The following COL19A1 variants were observed in gnomAD, a reference collection of about 807,000 sequenced individuals.
COL19A1 encodes the protein collagen alpha-1(XIX) chain.
Under a neutral mutation model 190.2 loss-of-function variants are expected in COL19A1, and 159 were observed. The observed-to-expected ratio is 0.84, with a 90% CI of 0.73 to 0.95. The LOEUF (loss-of-function observed/expected upper bound fraction) is 0.95. Ranked by LOEUF, COL19A1 falls within the 40% of genes least tolerant of loss-of-function variation. COL19A1 has a pLI of 0.00. For synonymous variants in COL19A1, 509 were observed against 458.9 expected (o/e 1.11, Z -1.39); for missense variants, 1,418 against 1,431.9 (o/e 0.99, Z 0.16).
At chr6:69,928,130 A>G in intron 5 of COL19A1, 98 bp downstream of exon 5, 1 of 1,482,278 alleles carries the variant, frequency 6.7e-7, no homozygotes, top group South Asian at 1.2e-5. Flanking sequence ...TAGATCTAGT[A>G]TCCAAATGTT....
At chr6:70,183,273 AT>A (rs771981547) in intron 44 of COL19A1, among the ~76,000 whole-genome samples, 2 of 152,166 alleles carry the variant, frequency 1.3e-5, no homozygotes, top group Non-Finnish European at 2.9e-5. Context: ...GGTAGGCAGA[AT>A]GTACCCAGGA....
At chr6:70,141,992 C>T in intron 21 of COL19A1, 31 bp from the exon 22 acceptor site, 1 of 1,611,786 alleles carries the variant, frequency 6.2e-7, no homozygotes, top group Non-Finnish European at 8.5e-7. Context: ...ATTAAAGAAA[C>T]ATTGATCTTT....
intron 11 of COL19A1, among the ~76,000 whole-genome samples, chr6:69,981,371 G>A (rs78501511): frequency 0.082 from 12,443 of 152,128 alleles, 599 homozygotes; most frequent in East Asian, 0.21. Flanking sequence ...TATGTAGAAT[G>A]TGATGATGAG....
intron 2 of COL19A1, among the ~76,000 whole-genome samples, chr6:69,896,871 T>G (rs1311134468): frequency 6.6e-6 from 1 of 152,228 alleles, no homozygotes; most frequent in Non-Finnish European, 1.5e-5. Flanking sequence ...GAGAGTTCAT[T>G]GTATATTCTA....
At chr6:70,035,704 T>C (rs1372386593) in intron 13 of COL19A1, among the ~76,000 whole-genome samples, 200 bp from the exon 14 acceptor site, 1 of 152,202 alleles carries the variant, frequency 6.6e-6, no homozygotes, top group Non-Finnish European at 1.5e-5. Flanking sequence ...GCATAGAGTA[T>C]ACAAGGTGAT....
Position 70,068,474 on chromosome 6 carries a change from A to T in COL19A1, c.1222A>T (p.Arg408Trp), listed in dbSNP as rs1268033036. Reference sequence around the variant, plus strand: ...AGGTCCACCTGGAAAAGAGGGTCAGAGGGTAAGTAAAGCTGGAACAACTGG... The same window carrying T: ...AGGTCCACCTGGAAAAGAGGGTCAGTGGGTAAGTAAAGCTGGAACAACTGG... ...PQGPPGKEGQ[R>W]GRRGKTGPPG... The change falls in exon 15 of 51, where the codon AGG (arginine) becomes TGG (tryptophan). Residue 408 changes from arginine to tryptophan, a missense_variant and splice_region_variant. Arg to Trp is a moderately radical substitution (Grantham distance 101, BLOSUM62 -3). Coordinates refer to ENST00000620364, the MANE Select transcript of COL19A1 (RefSeq NM_001858.6). 13 of 1,592,242 alleles carry T rather than the reference A, an allele frequency of 8.2e-6. No homozygotes were observed. In the Admixed American group the frequency reaches 1.0e-4, roughly 12 times the overall value.
chr6:70,172,323 G>A (rs373684277), intron 41 of COL19A1, among the ~76,000 whole-genome samples: 27 of 152,198 alleles, frequency 1.8e-4, no homozygotes, highest in African/African-American at 6.3e-4. Context: ...GGAGGTGAGA[G>A]GGAGAGCCAA....
intron 11 of COL19A1, among the ~76,000 whole-genome samples, chr6:69,999,513 A>G (rs1777118933): frequency 6.6e-6 from 1 of 152,200 alleles, no homozygotes; most frequent in Non-Finnish European, 1.5e-5. Context: ...CAGCCTGAGC[A>G]ACAGAGTGAC....
intron 11 of COL19A1, among the ~76,000 whole-genome samples, chr6:70,002,769 T>C (rs1777343285): frequency 1.3e-5 from 2 of 151,212 alleles, no homozygotes; most frequent in Admixed American, 1.3e-4. Context: ...TTCTTCTTTA[T>C]TAGTCTAGCT....
At chr6:70,016,992 A>G (rs1778146712) in intron 11 of COL19A1, among the ~76,000 whole-genome samples, 1 of 152,234 alleles carries the variant, frequency 6.6e-6, no homozygotes, top group East Asian at 1.9e-4. Flanking sequence ...TGACCTAGCA[A>G]TTGAACTCCT....
At chr6:69,925,478 G>T (rs1006222135) in intron 4 of COL19A1, among the ~76,000 whole-genome samples, 33 of 152,248 alleles carry the variant, frequency 2.2e-4, no homozygotes, top group African/African-American at 6.5e-4. Context: ...ATGCTGTTTT[G>T]GTTACTGTAG....
At chr6:69,990,324 T>C (rs1362814440) in intron 11 of COL19A1, among the ~76,000 whole-genome samples, 3 of 152,130 alleles carry the variant, frequency 2.0e-5, no homozygotes, top group African/African-American at 7.2e-5. Context: ...TGTTTTTACA[T>C]AATCATTATT....
At chr6:70,143,414 G>A (rs567152016) in intron 23 of COL19A1, among the ~76,000 whole-genome samples, 5 of 152,022 alleles carry the variant, frequency 3.3e-5, no homozygotes, top group Non-Finnish European at 5.9e-5. Context: ...CTGACAACTT[G>A]GGAGCTGCGA....
chr6:70,142,508 G>C (rs1376132597), intron 22 of COL19A1, among the ~76,000 whole-genome samples: 1 of 152,152 alleles, frequency 6.6e-6, no homozygotes, highest in Non-Finnish European at 1.5e-5. Flanking sequence ...TTAATGTGGT[G>C]TACTCCCAGA....
chr6:70,030,708 A>G (rs1180042794), intron 12 of COL19A1, among the ~76,000 whole-genome samples: 1 of 152,088 alleles, frequency 6.6e-6, no homozygotes, highest in African/African-American at 2.4e-5. Flanking sequence ...TTTTTTAATA[A>G]ATTTCTCTGC....
chr6:70,098,308 A>G, intron 15 of COL19A1: 1 of 417,456 alleles, frequency 2.4e-6, no homozygotes, highest in South Asian at 2.0e-5. Context: ...TTAAGGAGTA[A>G]AATTCACCCT....
intron 9 of COL19A1, among the ~76,000 whole-genome samples, chr6:69,941,690 C>CTTTTTTTT (rs534792473): frequency 7.7e-6 from 1 of 130,562 alleles, no homozygotes; most frequent in Non-Finnish European, 1.7e-5. Context: ...GTGCTAGTTG[C>CTTTTTTTT]TTTTTTTTTT....
At chr6:69,979,194 A>G (rs1247492838) in intron 11 of COL19A1, among the ~76,000 whole-genome samples, 1 of 151,954 alleles carries the variant, frequency 6.6e-6, no homozygotes, top group Non-Finnish European at 1.5e-5. Context: ...CACAGCCTCC[A>G]AGAAGTCAGC....
intron 34 of COL19A1, among the ~76,000 whole-genome samples, chr6:70,159,848 AT>A (rs976463830): frequency 1.3e-5 from 2 of 152,170 alleles, no homozygotes; most frequent in African/African-American, 4.8e-5. Flanking sequence ...CAGAAAGAAT[AT>A]TTTACTCAGT....
Sources: gnomAD v4.1 joint callset for allele counts (sites outside exome capture counted in the v4.1 genomes callset) on GRCh38, gnomAD v4.1.1 for gene constraint, MANE v1.5 for transcripts, NCBI Gene and HGNC (gene_info 2026-07-23, HGNC 2026-07-21) for gene names.